Variants in WDR12 observed in about 807,000 individuals in gnomAD.
The protein encoded by WDR12 is ribosome biogenesis protein WDR12.
Under a neutral mutation model 64.3 loss-of-function variants are expected in WDR12, and 42 were observed. The observed-to-expected ratio is 0.65, with a 90% CI of 0.51 to 0.84. The LOEUF (loss-of-function observed/expected upper bound fraction) is 0.84, where lower values mean the gene tolerates loss of function less well. WDR12 is among the 40% of genes least tolerant of loss of function. The pLI is 0.00. For synonymous variants in WDR12, 158 were observed against 173.3 expected, an observed-to-expected ratio of 0.91 and a Z score of 0.70; for missense variants, 469 against 494.6, an observed-to-expected ratio of 0.95 and a Z score of 0.49.
At chr2:202,893,259 A>T (rs1184310732) in intron 7 of WDR12, among the ~76,000 whole-genome samples, 1 of 152,118 alleles carries the variant, frequency 6.6e-6, no homozygotes, top group Non-Finnish European at 1.5e-5. Context: ...ATGTTACATT[A>T]TATGTTATAT....
intron 8 of WDR12, among the ~76,000 whole-genome samples, chr2:202,889,912 G>A (rs1421591589): frequency 2.0e-5 from 3 of 151,386 alleles, no homozygotes; most frequent in Non-Finnish European, 2.9e-5. Context: ...GGAAAGAAAC[G>A]TCCATCAAAA....
intron 8 of WDR12, among the ~76,000 whole-genome samples, chr2:202,886,787 AGAG>A (rs1365423457): frequency 4.6e-5 from 7 of 150,694 alleles, no homozygotes; most frequent in Non-Finnish European, 7.4e-5. Flanking sequence ...AAAAAAAAAA[AGAG>A]GAAAAGAATT....
At chr2:202,892,409 T>C (rs975138186) in intron 8 of WDR12, among the ~76,000 whole-genome samples, 1 of 152,202 alleles carries the variant, frequency 6.6e-6, no homozygotes, top group Admixed American at 6.5e-5. Flanking sequence ...CCTGGCTCAA[T>C]GCCACTACAT....
intron 1 of WDR12, among the ~76,000 whole-genome samples, chr2:202,910,906 T>C (rs1236580462): frequency 6.6e-6 from 1 of 152,120 alleles, no homozygotes; most frequent in Non-Finnish European, 1.5e-5. Context: ...ACTCAGCCAA[T>C]CCAAGAAGCT....
chr2:202,905,061 G>A (rs954017852), intron 2 of WDR12, among the ~76,000 whole-genome samples: 1 of 152,206 alleles, frequency 6.6e-6, no homozygotes, highest in Non-Finnish European at 1.5e-5. Flanking sequence ...ACAGGTAAAT[G>A]AAAGGGTGCT....
chr2:202,881,513 G>A (rs1450345035), intron 12 of WDR12, among the ~76,000 whole-genome samples: 3 of 152,142 alleles, frequency 2.0e-5, no homozygotes, highest in African/African-American at 7.2e-5. Context: ...AGGCACAGTG[G>A]CTCACACCTG....
At position 202,892,674 on chromosome 2, in the gene WDR12, C is replaced by T. The variant is rs1559160653; in HGVS notation, c.684G>A (p.Glu228=). ...TVPTDEEDEM[E]ESTNRPRKKQ... Reference sequence around the variant, plus strand: ...TCTTTCTTGGTCGATTTGTGGACTCCTCCATTTCATCTTCTTCATCTGTAG... The same window carrying T: ...TCTTTCTTGGTCGATTTGTGGACTCTTCCATTTCATCTTCTTCATCTGTAG... The change falls in exon 8 of 13, where the codon GAG becomes GAA. Residue 228 remains glutamate (E), a synonymous_variant. Transcript: ENST00000261015. 3 of 1,613,134 alleles carry T rather than the reference C, an allele frequency of 1.9e-6. No homozygotes were observed. The highest frequency in any genetic ancestry group is 1.7e-6 in the Non-Finnish European group (2 of 1,179,388).
At chr2:202,893,971 G>A (rs1358897808) in intron 7 of WDR12, among the ~76,000 whole-genome samples, 1 of 152,036 alleles carries the variant, frequency 6.6e-6, no homozygotes, top group African/African-American at 2.4e-5. Context: ...AGTCAAAATG[G>A]CTCGGAAAGT....
chr2:202,908,255 C>A (rs891734723), intron 1 of WDR12, among the ~76,000 whole-genome samples: 7 of 152,120 alleles, frequency 4.6e-5, no homozygotes, highest in African/African-American at 1.7e-4. Flanking sequence ...GGAGCAGGGC[C>A]AGAAACGATC....
intron 1 of WDR12, among the ~76,000 whole-genome samples, chr2:202,910,667 C>T (rs1195884863): frequency 1.3e-5 from 2 of 152,118 alleles, no homozygotes; most frequent in Non-Finnish European, 2.9e-5. Context: ...AGTATTAAGG[C>T]AATGTATGTA....
intron 8 of WDR12, among the ~76,000 whole-genome samples, chr2:202,887,827 G>C (rs1366510956): frequency 6.7e-6 from 1 of 149,794 alleles, no homozygotes; most frequent in African/African-American, 2.5e-5. Flanking sequence ...AGCGGAGCTT[G>C]CAGTGAGCCG....
chr2:202,898,943 T>TC (rs1688298936), intron 4 of WDR12, among the ~76,000 whole-genome samples: 1 of 137,908 alleles, frequency 7.3e-6, no homozygotes, highest in Non-Finnish European at 1.5e-5. Flanking sequence ...GAGACCCCGT[T>TC]TAAAAAAAAA....
chr2:202,876,071 TTC>T lies in WDR12; in HGVS notation c.*4787_*4788del, dbSNP rs1371287578. ...TGTAAAACTAACCAGCCAAAAACGTTTCTCTCCTAAGTTATAATAAAGATATA... is the reference window on the plus strand; with the variant it reads ...TGTAAAACTAACCAGCCAAAAACGTTTCTCCTAAGTTATAATAAAGATATA... On this transcript the variant is annotated 3_prime_UTR_variant, in exon 13 of 13. Transcript: ENST00000261015. 1 of 152,156 alleles carries T rather than the reference TTC, an allele frequency of 6.6e-6. No homozygotes were observed. The highest frequency in any genetic ancestry group is 1.5e-5 in the Non-Finnish European group (1 of 68,026). 9.4% of individuals were successfully genotyped at this position (152,156 alleles called of 1,614,324 possible). A position where few individuals can be genotyped will look rare whatever the true frequency, so the allele number is the denominator to read the frequency against.
rs1687933096 is a variant in WDR12, at chr2:202,880,666, T to C, written c.*194A>G. The C allele has an allele frequency of 2.8e-6, 1 of 362,816 alleles. No homozygotes were observed. The highest frequency in any genetic ancestry group is 6.5e-5 in the South Asian group (1 of 15,410). 22.5% of individuals were successfully genotyped at this position (362,816 alleles called of 1,614,324 possible). On this transcript the variant is annotated 3_prime_UTR_variant, in exon 13 of 13. Transcript: ENST00000261015. The stretch of plus-strand genomic sequence containing the variant: ...TTGTATAGAGAATGTATGCCACAGT[T>C]TGTATTTTATAAACACAACCTATCT...
intron 2 of WDR12, among the ~76,000 whole-genome samples, chr2:202,901,448 ATT>A (rs1327501562): frequency 6.6e-6 from 1 of 152,182 alleles, no homozygotes; most frequent in Non-Finnish European, 1.5e-5. Flanking sequence ...CGGCTGGTTT[ATT>A]TTAAAGCAAA....
chr2:202,896,123 C>T lies in WDR12; in HGVS notation c.551G>A (p.Cys184Tyr). 1 of 1,614,122 alleles carries T rather than the reference C, an allele frequency of 6.2e-7. No homozygotes were observed. The highest frequency in any genetic ancestry group is 8.5e-7 in the Non-Finnish European group (1 of 1,180,002). Reference sequence around the variant, plus strand: ...TACACTTCCAGCATGACCTCTACAGCAGTGTAGGGCTTTCACTTTGTTTCT... The same window carrying T: ...TACACTTCCAGCATGACCTCTACAGTAGTGTAGGGCTTTCACTTTGTTTCT... Reference protein sequence around the residue: ...VERNKVKALHCCRGHAGSVDS... With the variant: ...VERNKVKALHYCRGHAGSVDS... The change falls in exon 6 of 13, where the codon TGC becomes TAC. Residue 184 changes from cysteine (C) to tyrosine (Y), a missense_variant. Cys to Tyr is a radical substitution (Grantham distance 194, BLOSUM62 -2). Transcript: ENST00000261015.
chr2:202,883,601 G>C lies in WDR12; in HGVS notation c.1121+8C>G. 1 of 1,612,446 alleles carries C rather than the reference G, an allele frequency of 6.2e-7. No homozygotes were observed. Among genetic ancestry groups the C allele is most frequent in the Non-Finnish European group, 8.5e-7 (1 of 1,179,092 alleles). On this transcript the variant is annotated splice_region_variant and intron_variant, in intron 11 of 12. Transcript: ENST00000261015. ...ATGTTTCTCTTATAGATCATAAATAGAATTTACCTTCTTGTATCCCACAGC... is the reference window on the plus strand; with the variant it reads ...ATGTTTCTCTTATAGATCATAAATACAATTTACCTTCTTGTATCCCACAGC...
In WDR12 at chr2:202,901,020, C is replaced by A. The variant is rs780341317; in HGVS notation, c.231+5G>T. On this transcript the variant is annotated splice_donor_5th_base_variant and intron_variant, in intron 3 of 12. Coordinates refer to ENST00000261015, the MANE Select transcript of WDR12 (RefSeq NM_018256.4). ...GAAATACAGAAGATAAGAATTTGAA[C>A]TTACTGATGAGATGTTCTCCATTTC... 1 of 1,576,098 alleles carries A rather than the reference C, an allele frequency of 6.3e-7. No homozygotes were observed. Among genetic ancestry groups the A allele is most frequent in the Non-Finnish European group, 8.7e-7 (1 of 1,154,492 alleles).
intron 1 of WDR12, 93 bp downstream of exon 1, chr2:202,911,343 C>G: frequency 8.0e-7 from 1 of 1,248,504 alleles, no homozygotes; most frequent in East Asian, 2.3e-5. Flanking sequence ...GTGGGGGTGA[C>G]AGCAGAAACA....
Sources: gnomAD v4.1 joint callset for allele counts (sites outside exome capture counted in the v4.1 genomes callset) on GRCh38, gnomAD v4.1.1 for gene constraint, MANE v1.5 for transcripts, NCBI Gene and HGNC (gene_info 2026-07-23, HGNC 2026-07-21) for gene names.